ADIPOQ: variants seen among roughly 807,000 people sequenced by gnomAD.
ADIPOQ encodes adiponectin.
In ADIPOQ, 19 loss-of-function variants were observed where a neutral mutation model predicts 16.1. That is an observed-to-expected ratio of 1.18 (90% CI 0.82 to 1.73). The LOEUF is 1.73. ADIPOQ is among the 40% of genes most tolerant of loss of function. The pLI is 0.00. For missense variants in ADIPOQ, 323 were observed against 308.3 expected, an observed-to-expected ratio of 1.05 and a Z score of -0.36; for synonymous variants, 124 against 125.5, an observed-to-expected ratio of 0.99 and a Z score of 0.08.
rs1171865536 is a variant in ADIPOQ, at chr3:186,853,043, G to T, written c.-8-8G>T. 6.2e-7 allele frequency: 1 copy of T among 1,614,044 alleles called. No homozygotes were observed. The highest frequency in any genetic ancestry group is 8.5e-7 in the Non-Finnish European group (1 of 1,180,014). On this transcript the variant is annotated splice_region_variant and splice_polypyrimidine_tract_variant and intron_variant, in intron 1 of 2. Coordinates refer to ENST00000320741, the MANE Select transcript of ADIPOQ (RefSeq NM_004797.4). ...CTCCATGGCTGACAGTGCACATGTG[G>T]ATTCCAGGGCTCAGGATGCTGTTGC...
Position 186,856,802 on chromosome 3 carries a change from T to C in ADIPOQ, c.*2098T>C, listed in dbSNP as rs1712022143. The C allele has an allele frequency of 6.6e-6, 1 of 152,102 alleles. No individual in the cohort carries two copies. Among genetic ancestry groups the C allele is most frequent in the African/African-American group, 2.4e-5 (1 of 41,392 alleles). The allele number at this position is 152,102 out of a possible 1,614,324, so 9.4% of individuals were successfully genotyped here. A position where few individuals can be genotyped will look rare whatever the true frequency, so the allele number is the denominator to read the frequency against. Reference sequence around the variant, plus strand: ...GTTAGTCAGAACTCTGTGTTGTGAATGTCATTCACAACAGAAAACCCAAAA... The same window carrying C: ...GTTAGTCAGAACTCTGTGTTGTGAACGTCATTCACAACAGAAAACCCAAAA... On this transcript the variant is annotated 3_prime_UTR_variant, in exon 3 of 3. Transcript: ENST00000320741.
At chr3:186,847,532 T>C (rs766375069) in intron 1 of ADIPOQ, among the ~76,000 whole-genome samples, 69 of 152,234 alleles carry the variant, frequency 4.5e-4, no homozygotes, top group Non-Finnish European at 1.2e-4. Flanking sequence ...CCTGGACTTT[T>C]TATTGCTCTA....
At position 186,854,401 on chromosome 3, in the gene ADIPOQ, T is replaced by C; in HGVS notation, c.432T>C (p.Asp144=). 6.2e-7 allele frequency: 1 copy of C among 1,614,208 alleles called. No homozygotes were observed. Among genetic ancestry groups the C allele is most frequent in the Non-Finnish European group, 8.5e-7 (1 of 1,180,036 alleles). Residue 144 remains aspartate (D), a synonymous_variant, in exon 3 of 3, where the codon GAT becomes GAC. Coordinates refer to ENST00000320741, the MANE Select transcript of ADIPOQ (RefSeq NM_004797.4). ...KIFYNQQNHY[D]GSTGKFHCNI... ...TCTACAATCAGCAAAACCACTATGA[T>C]GGCTCCACTGGTAAATTCCACTGCA...
intron 1 of ADIPOQ, among the ~76,000 whole-genome samples, chr3:186,850,086 T>A (rs1711696758): frequency 6.6e-6 from 1 of 152,050 alleles, no homozygotes; most frequent in South Asian, 2.1e-4. Flanking sequence ...CTGGCCAACA[T>A]GGTGAAACCC....
rs1320304851 is a variant in ADIPOQ at position 186,856,785 on chromosome 3, G to C, written c.*2081G>C. On this transcript the variant is annotated 3_prime_UTR_variant, in exon 3 of 3. Coordinates refer to ENST00000320741, the MANE Select transcript of ADIPOQ (RefSeq NM_004797.4). ...GTGAGAGTAAGCCTTGTGTTAGTCAGAACTCTGTGTTGTGAATGTCATTCA... is the reference window on the plus strand; with the variant it reads ...GTGAGAGTAAGCCTTGTGTTAGTCACAACTCTGTGTTGTGAATGTCATTCA... The C allele has an allele frequency of 6.6e-6, 1 of 152,140 alleles. No individual in the cohort carries two copies. Among genetic ancestry groups the C allele is most frequent in the Non-Finnish European group, 1.5e-5 (1 of 68,034 alleles). The allele number at this position is 152,140 out of a possible 1,614,324, so 9.4% of individuals were successfully genotyped here.
Position 186,853,149 on chromosome 3 carries a change from C to T in ADIPOQ, c.91C>T (p.Leu31=). 3.7e-6 allele frequency: 6 copies of T among 1,614,212 alleles called. No homozygotes were observed. The highest frequency in any genetic ancestry group is 5.1e-6 in the Non-Finnish European group (6 of 1,180,022). The stretch of plus-strand genomic sequence containing the variant: ...TCAAGGGCCCGGAGTCCTGCTTCCC[C>T]TGCCCAAGGGGGCCTGCACAGGTTG... The part of the protein sequence containing the change: ...TTQGPGVLLP[L]PKGACTGWMA... The change falls in exon 2 of 3, where the codon CTG becomes TTG. Residue 31 remains leucine, a synonymous_variant. Transcript: ENST00000320741.
Position 186,853,233 on chromosome 3 carries a change from G to T in ADIPOQ, c.175G>T (p.Asp59Tyr). Residue 59 changes from aspartate (D) to tyrosine (Y), a missense_variant, in exon 2 of 3, where the codon GAT (aspartate) becomes TAT (tyrosine). Coordinates refer to ENST00000320741, the MANE Select transcript of ADIPOQ (RefSeq NM_004797.4). ...HNGAPGRDGR[D>Y]GTPGEKGEKG... ...TGGGGCCCCAGGCCGTGATGGCAGAGATGGCACCCCTGGTGAGAAGGGTGA... is the reference window on the plus strand; with the variant it reads ...TGGGGCCCCAGGCCGTGATGGCAGATATGGCACCCCTGGTGAGAAGGGTGA... 1 of 1,612,880 alleles carries T rather than the reference G, an allele frequency of 6.2e-7. No homozygotes were observed. Among genetic ancestry groups the T allele is most frequent in the Non-Finnish European group, 8.5e-7 (1 of 1,179,444 alleles).
Position 186,856,498 on chromosome 3 carries a change from C to G in ADIPOQ, c.*1794C>G, listed in dbSNP as rs530247038. 1.3e-5 allele frequency: 2 copies of G among 152,246 alleles called. No homozygotes were observed. Among genetic ancestry groups the G allele is most frequent in the African/African-American group, 2.4e-5 (1 of 41,518 alleles). 9.4% of individuals were successfully genotyped at this position (152,246 alleles called of 1,614,324 possible). On this transcript the variant is annotated 3_prime_UTR_variant, in exon 3 of 3. Coordinates refer to ENST00000320741, the MANE Select transcript of ADIPOQ (RefSeq NM_004797.4). ...GATGGAGTTTCCCTCTGTTGCCAGGCTAGAGTGCAGTGGCATGATCTCGGC... is the reference window on the plus strand; with the variant it reads ...GATGGAGTTTCCCTCTGTTGCCAGGGTAGAGTGCAGTGGCATGATCTCGGC...
chr3:186,857,756 G>C lies in ADIPOQ; in HGVS notation c.*3052G>C, dbSNP rs1712060100. ...CATATATTTTAGCGCTCTATTATTA[G>C]ATATATACATGTTTAGTATTATGTC... On this transcript the variant is annotated 3_prime_UTR_variant, in exon 3 of 3. Coordinates refer to ENST00000320741, the MANE Select transcript of ADIPOQ (RefSeq NM_004797.4). 6.6e-6 allele frequency: 1 copy of C among 152,072 alleles called. No individual in the cohort carries two copies. The highest frequency in any genetic ancestry group is 2.4e-5 in the African/African-American group (1 of 41,410). The allele number at this position is 152,072 out of a possible 1,614,324, so 9.4% of individuals were successfully genotyped here. A position where few individuals can be genotyped will look rare whatever the true frequency, so the allele number is the denominator to read the frequency against.
chr3:186,851,431 G>T (rs375985194), intron 1 of ADIPOQ, among the ~76,000 whole-genome samples: 1 of 152,194 alleles, frequency 6.6e-6, no homozygotes, highest in Middle Eastern at 3.4e-3. Flanking sequence ...CCCTAAGATC[G>T]GAGGCAGAAT....
rs770134681 is a variant in ADIPOQ at position 186,854,729 on chromosome 3, C to T, written c.*25C>T. 6.2e-7 allele frequency: 1 copy of T among 1,613,286 alleles called. No individual in the cohort carries two copies. Among genetic ancestry groups the T allele is most frequent in the African/African-American group, 1.3e-5 (1 of 74,920 alleles). Reference sequence around the variant, plus strand: ...ATCACCACTAACTCAGAGCCTCCTCCAGGCCAAACAGCCCCAAAGTCAATT... The same window carrying T: ...ATCACCACTAACTCAGAGCCTCCTCTAGGCCAAACAGCCCCAAAGTCAATT... On this transcript the variant is annotated 3_prime_UTR_variant, in exon 3 of 3. Coordinates refer to ENST00000320741, the MANE Select transcript of ADIPOQ (RefSeq NM_004797.4).
At chr3:186,844,320 A>G (rs1579202364) in intron 1 of ADIPOQ, among the ~76,000 whole-genome samples, 1 of 151,990 alleles carries the variant, frequency 6.6e-6, no homozygotes, top group African/African-American at 2.4e-5. Flanking sequence ...GCTAATTTTT[A>G]TATTTTTAGT....
In ADIPOQ at chr3:186,854,975, T is replaced by A. The variant is rs576170533; in HGVS notation, c.*271T>A. ...ATTTTGTGCCCACTGTCTCTCCTGATGCTCATATCAATCCTATAAGGCACA... is the reference window on the plus strand; with the variant it reads ...ATTTTGTGCCCACTGTCTCTCCTGAAGCTCATATCAATCCTATAAGGCACA... On this transcript the variant is annotated 3_prime_UTR_variant, in exon 3 of 3. Coordinates refer to ENST00000320741, the MANE Select transcript of ADIPOQ (RefSeq NM_004797.4). The A allele has an allele frequency of 2.0e-6, 1 of 495,410 alleles. No homozygotes were observed. The highest frequency in any genetic ancestry group is 1.9e-5 in the African/African-American group (1 of 51,704). The allele number at this position is 495,410 out of a possible 1,614,324, so 30.7% of individuals were successfully genotyped here.
intron 1 of ADIPOQ, among the ~76,000 whole-genome samples, chr3:186,848,209 G>GGAAGGAAGGAAGGAAA (rs1711631902): frequency 2.4e-5 from 3 of 127,612 alleles, no homozygotes; most frequent in African/African-American, 8.9e-5. Context: ...AAAGAAGGAA[G>GGAAGGAAGGAAGGAAA]GAAGGAAGGA....
intron 1 of ADIPOQ, among the ~76,000 whole-genome samples, chr3:186,850,204 A>G (rs1465140271): frequency 7.2e-6 from 1 of 138,896 alleles, no homozygotes; most frequent in Non-Finnish European, 1.5e-5. Context: ...TGGGAGGTGG[A>G]GGCTGTAGTG....
In ADIPOQ at chr3:186,857,034, G is replaced by T. The variant is rs1712031327; in HGVS notation, c.*2330G>T. ...TCAGGTGCTACACAGTATAGTTCTA[G>T]GGTTTCCCTCCCGATATCAAAAAGA... is the stretch of plus-strand genomic sequence containing the variant. On this transcript the variant is annotated 3_prime_UTR_variant, in exon 3 of 3. Transcript: ENST00000320741. 6.6e-6 allele frequency: 1 copy of T among 152,190 alleles called. No homozygotes were observed. Among genetic ancestry groups the T allele is most frequent in the South Asian group, 2.1e-4 (1 of 4,824 alleles). The allele number at this position is 152,190 out of a possible 1,614,324, so 9.4% of individuals were successfully genotyped here.
intron 1 of ADIPOQ, among the ~76,000 whole-genome samples, chr3:186,850,529 T>A (rs1362120006): frequency 6.6e-6 from 1 of 152,082 alleles, no homozygotes; most frequent in Non-Finnish European, 1.5e-5. Context: ...GAATCTGTCA[T>A]AACAGAATAA....
rs972551158 is a variant in ADIPOQ at position 186,854,770 on chromosome 3, G to A, written c.*66G>A. The A allele has an allele frequency of 2.9e-5, 45 of 1,574,498 alleles. No individual in the cohort carries two copies. The highest frequency in any genetic ancestry group is 2.0e-4 in the Middle Eastern group (1 of 4,948). On this transcript the variant is annotated 3_prime_UTR_variant, in exon 3 of 3. Transcript: ENST00000320741. ...AAAGTCAATTAAAGGCTTTCAGTACGGTTAGGAAGTTGATTATTATTTAGT... is the reference window on the plus strand; with the variant it reads ...AAAGTCAATTAAAGGCTTTCAGTACAGTTAGGAAGTTGATTATTATTTAGT...
At position 186,857,901 on chromosome 3, in the gene ADIPOQ, C is replaced by T. The variant is rs1712067237; in HGVS notation, c.*3197C>T. The T allele has an allele frequency of 6.6e-6, 1 of 151,712 alleles. No individual in the cohort carries two copies. Among genetic ancestry groups the T allele is most frequent in the Non-Finnish European group, 1.5e-5 (1 of 67,900 alleles). 9.4% of individuals were successfully genotyped at this position (151,712 alleles called of 1,614,324 possible). A position where few individuals can be genotyped will look rare whatever the true frequency, so the allele number is the denominator to read the frequency against. The stretch of plus-strand genomic sequence containing the variant: ...ATACGCACTCAACTTCCTTTTCTTT[C>T]TTCCTTCCTTTCTTTCTTCCTTCCT... On this transcript the variant is annotated 3_prime_UTR_variant, in exon 3 of 3. Transcript: ENST00000320741.
Sources: allele counts gnomAD v4.1 joint callset (sites outside exome capture counted in the v4.1 genomes callset), GRCh38; gene constraint gnomAD v4.1.1; transcripts MANE v1.5; gene names NCBI Gene and HGNC (gene_info 2026-07-23, HGNC 2026-07-21).